DNAAF5: variants seen among roughly 807,000 people sequenced by gnomAD.
DNAAF5 encodes the protein dynein axonemal assembly factor 5, also known as HEAT repeat containing 2.
In DNAAF5, 64 loss-of-function variants were observed where a neutral mutation model predicts 75.8. The observed-to-expected ratio is 0.84, with a 90% CI of 0.69 to 1.04. The LOEUF (loss-of-function observed/expected upper bound fraction) is 1.04. Ranked by LOEUF, DNAAF5 falls within the 50% of genes least tolerant of loss-of-function variation. The probability of loss-of-function intolerance (pLI) is 0.00; values close to 1 mark genes in which losing one functional copy is unlikely to be tolerated. For synonymous variants in DNAAF5, 657 were observed against 557.2 expected, an observed-to-expected ratio of 1.18 and a Z score of -2.52; for missense variants, 1,269 against 1,178.5, an observed-to-expected ratio of 1.08 and a Z score of -1.12.
chr7:785,935 G>A lies in DNAAF5; in HGVS notation c.*282G>A. 5.3e-6 allele frequency: 2 copies of A among 376,556 alleles called. No homozygotes were observed. The highest frequency in any genetic ancestry group is 4.3e-5 in the South Asian group (1 of 23,228). The allele number at this position is 376,556 out of a possible 1,614,324, so 23.3% of individuals were successfully genotyped here. ...CGCTCCTCCCGCAGCCACTTCAGCA[G>A]CATCTTAGATTTTAAGCCTCACGTG... On this transcript the variant is annotated 3_prime_UTR_variant, in exon 13 of 13. Coordinates refer to ENST00000297440, the MANE Select transcript of DNAAF5 (RefSeq NM_017802.4).
chr7:773,568 C>T lies in DNAAF5; in HGVS notation c.1932-480C>T, dbSNP rs534803299. 3.9e-5 allele frequency among the ~76,000 whole-genome samples: 6 copies of T among 152,370 alleles called. No individual in the cohort carries two copies. The East Asian group carries it at 1.2e-3, about 29-fold the overall frequency. On this transcript the variant is annotated intron_variant, in intron 9 of 12. Transcript: ENST00000297440. ...CGCGCCTGTGGCCCTCCCATCCCGC[C>T]TCTGTGAAGCCGCAGCGACTGTCCT...
chr7:758,792 C>G (rs553865916), intron 6 of DNAAF5, among the ~76,000 whole-genome samples: 1 of 152,296 alleles, frequency 6.6e-6, no homozygotes, highest in African/African-American at 2.4e-5. Context: ...AAGCGATTCT[C>G]CTGCCTCAGC....
rs371558102 is a variant in DNAAF5, at chr7:753,776, GTCTC to G, written c.1025-808_1025-805del. Among the ~76,000 whole-genome samples the G allele has an allele frequency of 7.9e-3, 1,123 of 142,248 alleles. 12 individuals carry two copies. The highest frequency in any genetic ancestry group is 0.03 in the Middle Eastern group (7 of 236). The allele number at this position is 142,248 out of a possible 152,430, so 93.3% of individuals were successfully genotyped here. A position where few individuals can be genotyped will look rare whatever the true frequency, so the allele number is the denominator to read the frequency against. Reference sequence around the variant, plus strand: ...CATATGGCGACGGCTTCGCAGGCGTGTCTCTCTCATCATATGGCGATGGCTTCGC... The same window carrying G: ...CATATGGCGACGGCTTCGCAGGCGTGTCTCATCATATGGCGATGGCTTCGC... On this transcript the variant is annotated intron_variant, in intron 4 of 12. Transcript: ENST00000297440.
chr7:783,429 C>CCT (rs1279497911), intron 12 of DNAAF5, among the ~76,000 whole-genome samples: 33 of 152,202 alleles, frequency 2.2e-4, no homozygotes, highest in Admixed American at 5.2e-4. Context: ...GCATGCTCTG[C>CCT]GTGCGACCAC....
At chr7:732,225 G>T (rs963293691) in intron 2 of DNAAF5, among the ~76,000 whole-genome samples, 1 of 152,260 alleles carries the variant, frequency 6.6e-6, no homozygotes, top group East Asian at 1.9e-4. Flanking sequence ...GGGTGTCCCA[G>T]TGCGGCAGGG....
At position 755,801 on chromosome 7, in the gene DNAAF5, A is replaced by G. The variant is rs567248662; in HGVS notation, c.1257+980A>G. ...ATGTTCCAGGTTCCATGTTATTTAC[A>G]TGTCATGTTTCTGCTTTTCAAAAAC... On this transcript the variant is annotated intron_variant, in intron 5 of 12. Coordinates refer to ENST00000297440, the MANE Select transcript of DNAAF5 (RefSeq NM_017802.4). Among the ~76,000 whole-genome samples the G allele has an allele frequency of 1.8e-4, 28 of 152,336 alleles. No homozygotes were observed. In the South Asian group the frequency reaches 5.2e-3, roughly 28 times the overall value.
intron 4 of DNAAF5, among the ~76,000 whole-genome samples, chr7:749,846 G>A (rs975439282): frequency 5.3e-5 from 8 of 151,960 alleles, no homozygotes; most frequent in Admixed American, 2.6e-4. Flanking sequence ...TTACAGACGC[G>A]CACCACCGCA....
chr7:775,624 TGGG>T (rs905916040), intron 11 of DNAAF5, among the ~76,000 whole-genome samples: 4 of 152,166 alleles, frequency 2.6e-5, no homozygotes, highest in Non-Finnish European at 4.4e-5. Context: ...ATGTATGTAT[TGGG>T]GGGCAGAATT....
At chr7:743,467 C>T (rs1003462796) in intron 4 of DNAAF5, among the ~76,000 whole-genome samples, 3 of 152,012 alleles carry the variant, frequency 2.0e-5, no homozygotes, top group South Asian at 2.1e-4. Flanking sequence ...TGGCTCCTCC[C>T]GAGCCTGTGA....
rs769391403 is a variant in DNAAF5 at position 785,548 on chromosome 7, A to G, written c.2463A>G (p.Pro821=). 1 of 1,613,730 alleles carries G rather than the reference A, an allele frequency of 6.2e-7. No homozygotes were observed. Among genetic ancestry groups the G allele is most frequent in the South Asian group, 1.1e-5 (1 of 91,086 alleles). ...TCAAAGAGGGCAGCGGGCTGTTCCCAGATCTCCTGGTGAGGGAGACGGAGG... is the reference window on the plus strand; with the variant it reads ...TCAAAGAGGGCAGCGGGCTGTTCCCGGATCTCCTGGTGAGGGAGACGGAGG... ...EVLKEGSGLF[P]DLLVRETEAV... Residue 821 remains proline (P), a synonymous_variant, in exon 13 of 13, where the codon CCA becomes CCG. Coordinates refer to ENST00000297440, the MANE Select transcript of DNAAF5 (RefSeq NM_017802.4).
chr7:758,329 C>T (rs1782549396), intron 6 of DNAAF5, among the ~76,000 whole-genome samples: 1 of 152,258 alleles, frequency 6.6e-6, no homozygotes, highest in African/African-American at 2.4e-5. Flanking sequence ...GTTTTCACAT[C>T]TCCATGTTGG....
At chr7:752,581 G>T (rs183452253) in intron 4 of DNAAF5, among the ~76,000 whole-genome samples, 2 of 148,988 alleles carry the variant, frequency 1.3e-5, no homozygotes, top group African/African-American at 5.0e-5. Flanking sequence ...CGAAGCCTTC[G>T]TGACCGCGGG....
At chr7:743,198 T>C (rs1018961940) in intron 4 of DNAAF5, among the ~76,000 whole-genome samples, 2 of 152,072 alleles carry the variant, frequency 1.3e-5, no homozygotes, top group African/African-American at 4.8e-5. Context: ...ACTCCTACTT[T>C]ACAAATATTT....
chr7:776,261 A>G (rs994632364), intron 11 of DNAAF5, among the ~76,000 whole-genome samples: 1 of 152,120 alleles, frequency 6.6e-6, no homozygotes, highest in Non-Finnish European at 1.5e-5. Context: ...GCTTCAACTC[A>G]GGAGGTGGAG....
intron 4 of DNAAF5, among the ~76,000 whole-genome samples, chr7:745,671 G>A (rs764449657): frequency 1.1e-4 from 17 of 148,434 alleles, no homozygotes; most frequent in Non-Finnish European, 2.4e-4. Context: ...CCTCACACAC[G>A]TGTACACACA....
chr7:752,023 C>T (rs114833326), intron 4 of DNAAF5, among the ~76,000 whole-genome samples: 6,077 of 152,234 alleles, frequency 0.04, 426 homozygotes, highest in African/African-American at 0.14. Flanking sequence ...GCAGCAGGTC[C>T]TGGGTGCAAG....
chr7:742,186 C>T (rs1309828184), intron 4 of DNAAF5, among the ~76,000 whole-genome samples: 1 of 152,184 alleles, frequency 6.6e-6, no homozygotes, highest in South Asian at 2.1e-4. Context: ...TCCACTTGCA[C>T]GCGGTCAAGT....
At chr7:747,601 T>C (rs538585502) in intron 4 of DNAAF5, among the ~76,000 whole-genome samples, 1 of 150,692 alleles carries the variant, frequency 6.6e-6, no homozygotes, top group African/African-American at 2.5e-5. Context: ...GTTGGTGGGG[T>C]TTGCTGTTTT....
rs1041654576 is a variant in DNAAF5, at chr7:785,911, G to A, written c.*258G>A. The A allele has an allele frequency of 3.2e-5, 14 of 437,132 alleles. No homozygotes were observed. The highest frequency in any genetic ancestry group is 1.0e-4 in the African/African-American group (5 of 49,598). 27.1% of individuals were successfully genotyped at this position (437,132 alleles called of 1,614,324 possible). A position where few individuals can be genotyped will look rare whatever the true frequency, so the allele number is the denominator to read the frequency against. On this transcript the variant is annotated 3_prime_UTR_variant, in exon 13 of 13. Coordinates refer to ENST00000297440, the MANE Select transcript of DNAAF5 (RefSeq NM_017802.4). The stretch of plus-strand genomic sequence containing the variant: ...TTGAAATTAAAAGTAAGTCGCAGCC[G>A]CTCCTCCCGCAGCCACTTCAGCAGC...
Sources: allele counts gnomAD v4.1 joint callset (sites outside exome capture counted in the v4.1 genomes callset), GRCh38; gene constraint gnomAD v4.1.1; transcripts MANE v1.5; gene names NCBI Gene and HGNC (gene_info 2026-07-23, HGNC 2026-07-21).